The following TSHZ3 variants were observed in gnomAD, a reference collection of about 807,000 sequenced individuals.
TSHZ3 encodes the protein teashirt zinc finger homeobox 3, also known as teashirt homolog 3.
Under a neutral mutation model 64.5 loss-of-function variants are expected in TSHZ3, and 10 were observed. That is an observed-to-expected ratio of 0.16 (90% CI 0.10 to 0.26). The LOEUF (loss-of-function observed/expected upper bound fraction) is 0.26. Ranked by LOEUF, TSHZ3 falls within the 10% of genes least tolerant of loss-of-function variation. The probability of loss-of-function intolerance (pLI) is 1.00; values close to 1 mark genes in which losing one functional copy is unlikely to be tolerated. For synonymous variants in TSHZ3, 608 were observed against 593.1 expected (o/e 1.03, Z -0.36); for missense variants, 1,242 against 1,421.7 (o/e 0.87, Z 2.03).
chr19:31,341,869 A>T (rs887429945), intron 1 of TSHZ3, among the ~76,000 whole-genome samples: 1 of 152,208 alleles, frequency 6.6e-6, no homozygotes, highest in African/African-American at 2.4e-5. Flanking sequence ...CCACATCTTT[A>T]AGAAAACGGG....
intron 1 of TSHZ3, among the ~76,000 whole-genome samples, chr19:31,296,134 T>C (rs547767417): frequency 1.3e-5 from 2 of 151,546 alleles, no homozygotes; most frequent in South Asian, 4.2e-4. Flanking sequence ...AGCAAGTTTG[T>C]GTGTGTGTGA....
chr19:31,206,656 C>T (rs1975183288), intron 4 of TSHZ3, among the ~76,000 whole-genome samples: 1 of 152,022 alleles, frequency 6.6e-6, no homozygotes, highest in East Asian at 1.9e-4. Flanking sequence ...TAAAAAAAAA[C>T]TTTTGAAATA....
chr19:31,214,787 A>G (rs879808440), intron 4 of TSHZ3, among the ~76,000 whole-genome samples: 2 of 151,770 alleles, frequency 1.3e-5, no homozygotes, highest in Non-Finnish European at 2.9e-5. Flanking sequence ...GGGCGCCTGT[A>G]GTCCCAGCTA....
chr19:31,285,860 C>T (rs1380306645), intron 1 of TSHZ3, among the ~76,000 whole-genome samples: 1 of 150,900 alleles, frequency 6.6e-6, no homozygotes, highest in African/African-American at 2.4e-5. Flanking sequence ...ATCCCTCTAT[C>T]CCTCTTTTCT....
At chr19:31,347,468 A>C (rs1428405816) in intron 1 of TSHZ3, among the ~76,000 whole-genome samples, 1 of 152,092 alleles carries the variant, frequency 6.6e-6, no homozygotes, top group South Asian at 2.1e-4. Context: ...GAAAAAAAAA[A>C]TTTCAAAGAC....
intron 1 of TSHZ3, among the ~76,000 whole-genome samples, chr19:31,304,885 C>T (rs1168258702): frequency 2.0e-5 from 3 of 152,230 alleles, no homozygotes; most frequent in Non-Finnish European, 4.4e-5. Flanking sequence ...ACTGGTAACT[C>T]CTTGACATTT....
At chr19:31,280,640 C>T (rs1218208953) in intron 1 of TSHZ3, among the ~76,000 whole-genome samples, 1 of 152,192 alleles carries the variant, frequency 6.6e-6, no homozygotes, top group African/African-American at 2.4e-5. Flanking sequence ...AAAGTGTTTG[C>T]TCTTTAGACT....
intron 1 of TSHZ3, among the ~76,000 whole-genome samples, chr19:31,294,866 T>C (rs1976636590): frequency 6.6e-6 from 1 of 152,132 alleles, no homozygotes; most frequent in African/African-American, 2.4e-5. Context: ...AAAGAAACAA[T>C]ATAATAATGA....
chr19:31,304,868 G>A (rs768347317), intron 1 of TSHZ3, among the ~76,000 whole-genome samples: 4 of 152,200 alleles, frequency 2.6e-5, no homozygotes, highest in South Asian at 2.1e-4. Context: ...GCGATTCCCC[G>A]CAGCGCACTG....
At chr19:31,343,766 C>G (rs973870671) in intron 1 of TSHZ3, among the ~76,000 whole-genome samples, 7 of 138,620 alleles carry the variant, frequency 5.0e-5, no homozygotes, top group Non-Finnish European at 1.1e-4. Context: ...CCAGTCCTTA[C>G]AATTCAGGTT....
intron 1 of TSHZ3, among the ~76,000 whole-genome samples, chr19:31,315,646 G>A (rs11671611): frequency 3.4e-4 from 52 of 152,294 alleles, no homozygotes; most frequent in South Asian, 2.3e-3. Context: ...AATAAAAAGG[G>A]GCTAAAATCA....
intron 1 of TSHZ3, among the ~76,000 whole-genome samples, chr19:31,261,941 A>G (rs923152819): frequency 2.6e-4 from 40 of 152,240 alleles, no homozygotes; most frequent in African/African-American, 9.6e-4. Context: ...TGATTCTCCT[A>G]TGGTGGCAAA....
At chr19:31,284,548 T>G (rs539732033) in intron 1 of TSHZ3, among the ~76,000 whole-genome samples, 1 of 152,298 alleles carries the variant, frequency 6.6e-6, no homozygotes, top group Non-Finnish European at 1.5e-5. Context: ...TCTCAGCTTC[T>G]GAGATGCACC....
In TSHZ3 at chr19:31,347,520, G is replaced by A. The variant is rs376774791; in HGVS notation, c.40+1660C>T. ...CATTCCTACTACTCAACTTTGTGAA[G>A]GATTCCTCCAAAGTTTCAGAGTTTA... is the stretch of plus-strand genomic sequence containing the variant. On this transcript the variant is annotated intron_variant, in intron 1 of 1. Coordinates refer to ENST00000240587, the MANE Select transcript of TSHZ3 (RefSeq NM_020856.4). Among the ~76,000 whole-genome samples the A allele has an allele frequency of 5.9e-5, 9 of 152,284 alleles. No homozygotes were observed. The East Asian group carries it at 1.7e-3, about 29-fold the overall frequency.
chr19:31,235,581 T>TCTTC (rs1975597836), intron 3 of TSHZ3, among the ~76,000 whole-genome samples: 1 of 67,822 alleles, frequency 1.5e-5, no homozygotes, highest in South Asian at 4.5e-4. Context: ...TCTTTCCTTC[T>TCTTC]CTTTTTTCTT....
chr19:31,165,143 T>G (rs942683554), intron 5 of TSHZ3, among the ~76,000 whole-genome samples: 2 of 152,236 alleles, frequency 1.3e-5, no homozygotes, highest in Admixed American at 1.3e-4. Context: ...AGAACTGAAG[T>G]GCAGCCCTGC....
chr19:31,253,481 G>A (rs951246001), intron 1 of TSHZ3, among the ~76,000 whole-genome samples: 1 of 152,116 alleles, frequency 6.6e-6, no homozygotes, highest in Non-Finnish European at 1.5e-5. Context: ...AAGCTGAAGG[G>A]CCTGAGAAAA....
chr19:31,259,318 T>C (rs962700298), intron 1 of TSHZ3, among the ~76,000 whole-genome samples: 7 of 152,190 alleles, frequency 4.6e-5, no homozygotes, highest in African/African-American at 1.7e-4. Context: ...ATTAGCGCAA[T>C]TGCATTTTTA....
intron 1 of TSHZ3, among the ~76,000 whole-genome samples, chr19:31,320,666 C>T (rs953487683): frequency 6.6e-6 from 1 of 152,142 alleles, no homozygotes; most frequent in Non-Finnish European, 1.5e-5. Flanking sequence ...AGTTAAGACA[C>T]GGTCAGGTGC....
Sources: allele counts gnomAD v4.1 joint callset (sites outside exome capture counted in the v4.1 genomes callset), GRCh38; gene constraint gnomAD v4.1.1; transcripts MANE v1.5; gene names NCBI Gene and HGNC (gene_info 2026-07-23, HGNC 2026-07-21).